Variants in ERBB3 observed in about 807,000 individuals in gnomAD.
The protein encoded by ERBB3 is receptor tyrosine-protein kinase erbB-3.
Under a neutral mutation model 156.7 loss-of-function variants are expected in ERBB3, and 96 were observed. The observed-to-expected ratio is 0.61, with a 90% confidence interval of 0.52 to 0.73. The LOEUF (loss-of-function observed/expected upper bound fraction) is 0.73, where lower values mean the gene tolerates loss of function less well. ERBB3 is among the 30% of genes least tolerant of loss of function. ERBB3 has a pLI of 0.00. For synonymous variants in ERBB3, 567 were observed against 632.0 expected (o/e 0.90, Z 1.54); for missense variants, 1,406 against 1,709.4 (o/e 0.82, Z 3.13).
Position 56,103,355 on chromosome 12 carries a change from G to A in ERBB3, c.*1300G>A, listed in dbSNP as rs1237411621. 1 of 219,860 alleles carries A rather than the reference G, an allele frequency of 4.5e-6. No individual in the cohort carries two copies. Among genetic ancestry groups the A allele is most frequent in the East Asian group, 6.7e-5 (1 of 15,010 alleles). The allele number at this position is 219,860 out of a possible 1,614,324, so 13.6% of individuals were successfully genotyped here. ...AGCCATTCTCATCCAGCAGTGAGAA[G>A]CTTCCAGGTAGGACAGAAAAAAGAT... is the stretch of plus-strand genomic sequence containing the variant. On this transcript the variant is annotated 3_prime_UTR_variant, in exon 28 of 28. Transcript: ENST00000267101.
chr12:56,083,692 G>A lies in ERBB3; in HGVS notation c.83-59G>A, dbSNP rs1868386675. The A allele has an allele frequency of 8.1e-6, 13 of 1,599,374 alleles. 1 individual carries two copies. The Admixed American group carries it at 2.2e-4, about 27-fold the overall frequency. ...ACCAAGGGGGTGATCTTTGGGGATG[G>A]CAGATGGGCTGAGAATTTGTGTCCA... On this transcript the variant is annotated intron_variant, in intron 1 of 27. Transcript: ENST00000267101.
chr12:56,100,981 A>G lies in ERBB3; in HGVS notation c.3202-80A>G, dbSNP rs1869072438. 7 of 1,160,750 alleles carry G rather than the reference A, an allele frequency of 6.0e-6. No homozygotes were observed. The South Asian group carries it at 6.6e-5, about 11-fold the overall frequency. The allele number at this position is 1,160,750 out of a possible 1,614,324, so 71.9% of individuals were successfully genotyped here. On this transcript the variant is annotated intron_variant, in intron 26 of 27. Transcript: ENST00000267101. ...AAAAAAAAAGGCAGTGAACAACCCA[A>G]TATCCTTCTAAACAAATCTCTCTTC...
chr12:56,092,551 A>C (rs181442133), intron 9 of ERBB3, among the ~76,000 whole-genome samples, 196 bp from the exon 10 acceptor site: 24 of 152,078 alleles, frequency 1.6e-4, no homozygotes, highest in Admixed American at 8.5e-4. Context: ...CTGTACCCTT[A>C]ATTCTTTGAG....
chr12:56,099,989 C>T lies in ERBB3; in HGVS notation c.3089C>T (p.Ala1030Val). ...DNLATTTLGS[A>V]LSLPVGTLNR... ...CTGGCAACCACCACACTGGGCTCCG[C>T]CCTCAGCCTACCAGTTGGAACACTT... The change falls in exon 25 of 28, where the codon GCC becomes GTC. Residue 1030 changes from alanine (A) to valine (V), a missense_variant. Physicochemically the swap from Ala to Val is moderately conservative, Grantham distance 64. Around this residue, in one of 3 missense-constraint regions of ERBB3, gnomAD observed 415 missense variants for 454.1 expected, o/e 0.91. Transcript: ENST00000267101. The T allele has an allele frequency of 3.1e-6, 5 of 1,614,218 alleles. No homozygotes were observed. The highest frequency in any genetic ancestry group is 4.2e-6 in the Non-Finnish European group (5 of 1,180,034).
intron 20 of ERBB3, among the ~76,000 whole-genome samples, chr12:56,097,520 A>G (rs958135568): frequency 1.8e-4 from 28 of 152,148 alleles, no homozygotes; most frequent in African/African-American, 6.5e-4. Flanking sequence ...CTTGACTTCT[A>G]TTGTGAACTG....
rs963961525 is a variant in ERBB3 at position 56,102,676 on chromosome 12, AC to A, written c.*622del. On this transcript the variant is annotated 3_prime_UTR_variant, in exon 28 of 28. Coordinates refer to ENST00000267101, the MANE Select transcript of ERBB3 (RefSeq NM_001982.4). The stretch of plus-strand genomic sequence containing the variant: ...TGTGACATACATATTATCTCATTTT[AC>A]ACAAAGGGAAGTCGGGCATGGTGGC... The A allele has an allele frequency of 8.7e-6, 2 of 230,776 alleles. No individual in the cohort carries two copies. The highest frequency in any genetic ancestry group is 4.4e-5 in the African/African-American group (2 of 45,128). The allele number at this position is 230,776 out of a possible 1,614,324, so 14.3% of individuals were successfully genotyped here.
rs375142740 is a variant in ERBB3 at position 56,093,572 on chromosome 12, G to T, written c.1480+22G>T. 3.7e-6 allele frequency: 6 copies of T among 1,605,058 alleles called. No individual in the cohort carries two copies. The South Asian group carries it at 4.4e-5, about 12-fold the overall frequency. On this transcript the variant is annotated intron_variant, in intron 12 of 27. Coordinates refer to ENST00000267101, the MANE Select transcript of ERBB3 (RefSeq NM_001982.4). ...TGCGGTGAGGGAAAGGGTCTGCTAG[G>T]TGGTGAGAATAGGGAGTCAGGGAGG... is the stretch of plus-strand genomic sequence containing the variant.
At chr12:56,091,999 A>G (rs1431734669) in intron 9 of ERBB3, among the ~76,000 whole-genome samples, 1 of 151,098 alleles carries the variant, frequency 6.6e-6, no homozygotes, top group African/African-American at 2.4e-5. Flanking sequence ...GCTTGGGCCC[A>G]GGAGTTCAAG....
intron 9 of ERBB3, among the ~76,000 whole-genome samples, chr12:56,090,419 G>A (rs2136802771): frequency 6.6e-6 from 1 of 152,192 alleles, no homozygotes; most frequent in South Asian, 2.1e-4. Flanking sequence ...ATCACTAGGT[G>A]TGGATCACGA....
At chr12:56,095,893 T>G in intron 17 of ERBB3, 87 bp downstream of exon 17, 20 of 1,389,966 alleles carry the variant, frequency 1.4e-5, no homozygotes, top group Non-Finnish European at 1.7e-5. Context: ...AGTGGTACCC[T>G]GTGCACCCAG....
At chr12:56,100,140 T>G in intron 25 of ERBB3, 34 bp from the exon 26 acceptor site, 3 of 1,605,222 alleles carry the variant, frequency 1.9e-6, no homozygotes, top group Middle Eastern at 3.3e-4. Flanking sequence ...ATTTCTCCCT[T>G]CATCTTAACC....
chr12:56,092,039 T>C (rs1209363062), intron 9 of ERBB3, among the ~76,000 whole-genome samples: 1 of 142,360 alleles, frequency 7.0e-6, no homozygotes, highest in Non-Finnish European at 1.5e-5. Flanking sequence ...GCACTACTGC[T>C]CTCCAGCCAG....
intron 1 of ERBB3, 91 bp from the exon 2 acceptor site, chr12:56,083,660 G>T (rs1868386030): frequency 1.4e-6 from 2 of 1,469,246 alleles, no homozygotes; most frequent in Non-Finnish European, 9.5e-7. Flanking sequence ...GTAACTGGAA[G>T]AGGGCAACCA....
rs200767056 is a variant in ERBB3 at position 56,099,820 on chromosome 12, A to T, written c.2938-18A>T. ...GGCTGGAACCAGGATTCCCCCTAACAATCACCTATCGATATAGAGAGAGAG... is the reference window on the plus strand; with the variant it reads ...GGCTGGAACCAGGATTCCCCCTAACTATCACCTATCGATATAGAGAGAGAG... On this transcript the variant is annotated intron_variant, in intron 24 of 27. Transcript: ENST00000267101. The T allele has an allele frequency of 4.3e-6, 7 of 1,614,022 alleles. No homozygotes were observed. The African/African-American group carries it at 8.0e-5, about 18-fold the overall frequency.
intron 7 of ERBB3, 36 bp downstream of exon 7, chr12:56,088,198 T>A (rs2136795879): frequency 6.2e-7 from 1 of 1,610,230 alleles, no homozygotes; most frequent in Non-Finnish European, 8.5e-7. Flanking sequence ...TGATCAACAA[T>A]AGTAGATCCA....
chr12:56,097,329 A>G (rs548094452), intron 20 of ERBB3, 99 bp downstream of exon 20: 2 of 1,174,792 alleles, frequency 1.7e-6, no homozygotes, highest in South Asian at 1.3e-5. Context: ...TGAGGTCCCC[A>G]ACCCCCGGGC....
At chr12:56,095,983 C>T (rs1868877798) in intron 17 of ERBB3, 177 bp downstream of exon 17, 4 of 700,166 alleles carry the variant, frequency 5.7e-6, no homozygotes, top group African/African-American at 1.8e-5. Flanking sequence ...GTAGTGTGGT[C>T]CCCTAGAAGA....
At position 56,080,262 on chromosome 12, in the gene ERBB3, G is replaced by A. The variant is rs368991808; in HGVS notation, c.-39G>A. On this transcript the variant is annotated 5_prime_UTR_variant, in exon 1 of 28. Coordinates refer to ENST00000267101, the MANE Select transcript of ERBB3 (RefSeq NM_001982.4). ...GATGTCCTAGCCTAGGGGCCCCCGGGCCGGACTTGGCTGGGCTCCCTTCAC... is the reference window on the plus strand; with the variant it reads ...GATGTCCTAGCCTAGGGGCCCCCGGACCGGACTTGGCTGGGCTCCCTTCAC... 50 of 1,522,252 alleles carry A rather than the reference G, an allele frequency of 3.3e-5. No homozygotes were observed. In the African/African-American group the frequency reaches 5.8e-4, roughly 18 times the overall value. 94.3% of individuals were successfully genotyped at this position (1,522,252 alleles called of 1,614,324 possible). A position where few individuals can be genotyped will look rare whatever the true frequency, so the allele number is the denominator to read the frequency against.
At chr12:56,085,369 T>C (rs1217847575) in intron 3 of ERBB3, 188 bp downstream of exon 3, 7 of 1,456,194 alleles carry the variant, frequency 4.8e-6, no homozygotes, top group Middle Eastern at 1.8e-4. Context: ...TAGGGGCATC[T>C]GCTCCAGGGA....
Sources: allele counts gnomAD v4.1 joint callset (sites outside exome capture counted in the v4.1 genomes callset), GRCh38; gene constraint gnomAD v4.1.1; regional missense constraint gnomAD v4.1.1; transcripts MANE v1.5; gene names NCBI Gene and HGNC (gene_info 2026-07-23, HGNC 2026-07-21).